LRP1B: variants seen among roughly 807,000 people sequenced by gnomAD.
The protein encoded by LRP1B is LDL receptor related protein 1B.
Under a neutral mutation model 556.6 loss-of-function variants are expected in LRP1B, and 217 were observed. The observed-to-expected ratio is 0.39, with a 90% CI of 0.35 to 0.44. LRP1B has a LOEUF of 0.44. Among genes scored for constraint, LRP1B ranks in the 20% least tolerant of loss-of-function variants. LRP1B has a pLI of 1.00. For synonymous variants in LRP1B, 2,047 were observed against 1,865.8 expected (o/e 1.10, Z -2.50); for missense variants, 5,053 against 5,620.8 (o/e 0.90, Z 3.23).
intron 23 of LRP1B, among the ~76,000 whole-genome samples, 179 bp downstream of exon 23, chr2:140,902,741 A>C (rs559405106): frequency 6.6e-6 from 1 of 152,342 alleles, no homozygotes; most frequent in African/African-American, 2.4e-5. Flanking sequence ...TAGCAAAAGT[A>C]AGGATTATTA....
At chr2:141,994,793 C>T (rs1011738940) in intron 1 of LRP1B, among the ~76,000 whole-genome samples, 1 of 152,138 alleles carries the variant, frequency 6.6e-6, no homozygotes, top group Non-Finnish European at 1.5e-5. Flanking sequence ...GTCCACCTTA[C>T]ATTTTAGACC....
chr2:140,315,133 T>C, intron 82 of LRP1B, 34 bp from the exon 83 acceptor site: 2 of 1,411,034 alleles, frequency 1.4e-6, no homozygotes, highest in Non-Finnish European at 9.7e-7. Context: ...AATTAGCATG[T>C]TTTCAGGGAG....
intron 41 of LRP1B, among the ~76,000 whole-genome samples, chr2:140,602,537 T>C (rs1360409592): frequency 6.6e-6 from 1 of 151,974 alleles, no homozygotes; most frequent in Non-Finnish European, 1.5e-5. Context: ...ACCAAGAAAT[T>C]AACATTATTA....
chr2:141,085,061 C>T (rs937158394), intron 7 of LRP1B, among the ~76,000 whole-genome samples: 2 of 142,844 alleles, frequency 1.4e-5, no homozygotes, highest in South Asian at 4.4e-4. Context: ...CAAGGAACAC[C>T]TTTTTTCTAG....
chr2:141,732,298 T>C (rs186364792), intron 2 of LRP1B, among the ~76,000 whole-genome samples: 4 of 152,282 alleles, frequency 2.6e-5, no homozygotes, highest in African/African-American at 7.2e-5. Flanking sequence ...TAGTAGGACA[T>C]AGAAATCACC....
At chr2:140,417,123 C>G (rs1021108881) in intron 66 of LRP1B, among the ~76,000 whole-genome samples, 2 of 152,128 alleles carry the variant, frequency 1.3e-5, no homozygotes, top group Non-Finnish European at 2.9e-5. Flanking sequence ...AAAAGACAAG[C>G]CTTTGGAGTT....
chr2:141,542,458 T>A (rs1685296138), intron 2 of LRP1B, among the ~76,000 whole-genome samples: 1 of 152,018 alleles, frequency 6.6e-6, no homozygotes, highest in African/African-American at 2.4e-5. Flanking sequence ...GCTTTACTTC[T>A]TCTCATATAA....
At chr2:140,717,737 C>T (rs983737598) in intron 35 of LRP1B, among the ~76,000 whole-genome samples, 2 of 152,066 alleles carry the variant, frequency 1.3e-5, no homozygotes, top group Non-Finnish European at 2.9e-5. Flanking sequence ...TAAAATTTCC[C>T]TCTGGCACAC....
At chr2:141,985,796 A>G (rs1008213339) in intron 1 of LRP1B, among the ~76,000 whole-genome samples, 2 of 151,968 alleles carry the variant, frequency 1.3e-5, no homozygotes, top group Admixed American at 6.6e-5. Context: ...AAATTGTCTA[A>G]AATACAGAAC....
chr2:140,410,001 G>C (rs896539321), intron 66 of LRP1B, among the ~76,000 whole-genome samples: 1 of 151,832 alleles, frequency 6.6e-6, no homozygotes, highest in Non-Finnish European at 1.5e-5. Flanking sequence ...GGTTGCCTTC[G>C]CCATAAAACC....
intron 80 of LRP1B, among the ~76,000 whole-genome samples, chr2:140,324,870 CTT>C (rs36073920): frequency 0.04 from 5,480 of 136,738 alleles, 120 homozygotes; most frequent in South Asian, 0.085. Context: ...GGGATCTGAA[CTT>C]TTTTTTTTTT....
chr2:141,042,377 T>C (rs955886418), intron 11 of LRP1B, among the ~76,000 whole-genome samples: 2 of 152,096 alleles, frequency 1.3e-5, no homozygotes, highest in Admixed American at 1.3e-4. Context: ...ACCTTTGGGT[T>C]ACCCTGTGGG....
chr2:141,645,516 T>G (rs1235865457), intron 2 of LRP1B, among the ~76,000 whole-genome samples: 1 of 151,120 alleles, frequency 6.6e-6, no homozygotes, highest in Non-Finnish European at 1.5e-5. Flanking sequence ...TTTGTTTATT[T>G]TATTATCATT....
At chr2:141,198,473 A>G (rs548037936) in intron 6 of LRP1B, among the ~76,000 whole-genome samples, 1 of 152,290 alleles carries the variant, frequency 6.6e-6, no homozygotes, top group South Asian at 2.1e-4. Flanking sequence ...TAGCAGTCAC[A>G]AAGCTCTACA....
At chr2:141,763,966 C>T (rs1293513710) in intron 2 of LRP1B, among the ~76,000 whole-genome samples, 1 of 152,158 alleles carries the variant, frequency 6.6e-6, no homozygotes, top group Non-Finnish European at 1.5e-5. Context: ...TGCTAATTCA[C>T]ACTTTTTCAG....
At chr2:141,092,295 G>A (rs1053023671) in intron 7 of LRP1B, among the ~76,000 whole-genome samples, 4 of 152,208 alleles carry the variant, frequency 2.6e-5, no homozygotes, top group Non-Finnish European at 5.9e-5. Context: ...GTTATGGTGA[G>A]CATAATTTGC....
At chr2:140,892,715 T>C (rs753972957) in intron 23 of LRP1B, among the ~76,000 whole-genome samples, 1 of 152,122 alleles carries the variant, frequency 6.6e-6, no homozygotes, top group Non-Finnish European at 1.5e-5. Flanking sequence ...GGTAAATGTA[T>C]GTCTATGGAA....
chr2:141,356,700 A>T (rs1374887919), intron 3 of LRP1B, among the ~76,000 whole-genome samples: 1 of 152,110 alleles, frequency 6.6e-6, no homozygotes, highest in Non-Finnish European at 1.5e-5. Flanking sequence ...GGTTTCTCTC[A>T]CTTTGAGAAG....
intron 35 of LRP1B, among the ~76,000 whole-genome samples, chr2:140,758,161 A>C (rs1478872067): frequency 6.6e-6 from 1 of 152,116 alleles, no homozygotes; most frequent in East Asian, 1.9e-4. Context: ...GAAACAATCC[A>C]AATATCCAAA....
Sources: gnomAD v4.1 joint callset for allele counts (sites outside exome capture counted in the v4.1 genomes callset) on GRCh38, gnomAD v4.1.1 for gene constraint, MANE v1.5 for transcripts, NCBI Gene and HGNC (gene_info 2026-07-23, HGNC 2026-07-21) for gene names.